The following PAG1 variants were observed in gnomAD, a reference collection of about 807,000 sequenced individuals.
The protein encoded by PAG1 is phosphoprotein membrane anchor with glycosphingolipid microdomains 1.
Under a neutral mutation model 31.7 loss-of-function variants are expected in PAG1, and 23 were observed. The observed-to-expected ratio is 0.73, with a 90% CI of 0.52 to 1.03. The LOEUF (loss-of-function observed/expected upper bound fraction) is 1.03. Among genes scored for constraint, PAG1 ranks in the 50% least tolerant of loss-of-function variants. The pLI, the probability that PAG1 is intolerant of heterozygous loss-of-function variation, is 0.00. For missense variants in PAG1, 473 were observed against 540.7 expected (o/e 0.87, Z 1.24); for synonymous variants, 214 against 210.3 (o/e 1.02, Z -0.15).
chr8:81,105,499 T>G (rs1473860542), intron 1 of PAG1, among the ~76,000 whole-genome samples: 1 of 152,192 alleles, frequency 6.6e-6, no homozygotes, highest in Non-Finnish European at 1.5e-5. Context: ...CCACTCTGGT[T>G]GCAATTCCCA....
At chr8:81,076,214 A>G (rs969657492) in intron 1 of PAG1, among the ~76,000 whole-genome samples, 5 of 152,226 alleles carry the variant, frequency 3.3e-5, no homozygotes, top group African/African-American at 1.2e-4. Context: ...GCAAATGCAA[A>G]TGTGTACAGA....
rs1229881844 is a variant in PAG1, at chr8:80,968,576, A to G, written c.*7968T>C. 1.3e-5 allele frequency: 2 copies of G among 152,226 alleles called. No homozygotes were observed. Among genetic ancestry groups the G allele is most frequent in the African/African-American group, 4.8e-5 (2 of 41,456 alleles). The allele number at this position is 152,226 out of a possible 1,614,324, so 9.4% of individuals were successfully genotyped here. A position where few individuals can be genotyped will look rare whatever the true frequency, so the allele number is the denominator to read the frequency against. ...ACAAACATTCTGGGATGGATGGTAG[A>G]TGGATGCTACACTCTTCTAGAAAGT... On this transcript the variant is annotated 3_prime_UTR_variant, in exon 9 of 9. Transcript: ENST00000220597.
At chr8:81,045,390 A>T (rs1226240538) in intron 2 of PAG1, among the ~76,000 whole-genome samples, 5 of 152,172 alleles carry the variant, frequency 3.3e-5, no homozygotes, top group Non-Finnish European at 5.9e-5. Context: ...AACAGCTCCA[A>T]CCATTAAATA....
intron 1 of PAG1, among the ~76,000 whole-genome samples, chr8:81,086,162 T>C (rs1809352885): frequency 1.3e-5 from 2 of 151,254 alleles, no homozygotes; most frequent in East Asian, 1.9e-4. Context: ...TTTGTATTTT[T>C]AGTAGAGACG....
chr8:81,086,986 G>A (rs1197303107), intron 1 of PAG1, among the ~76,000 whole-genome samples: 2 of 142,484 alleles, frequency 1.4e-5, no homozygotes, highest in Non-Finnish European at 2.9e-5. Flanking sequence ...TCTGAGAGCA[G>A]GGGTCAGTTT....
At chr8:81,057,723 AT>A (rs777350927) in intron 2 of PAG1, among the ~76,000 whole-genome samples, 61 of 152,240 alleles carry the variant, frequency 4.0e-4, no homozygotes, top group African/African-American at 1.4e-3. Context: ...AATAAAAAAA[AT>A]AACTGAGTAT....
At chr8:81,108,318 T>A (rs1173606222) in intron 1 of PAG1, among the ~76,000 whole-genome samples, 1 of 152,228 alleles carries the variant, frequency 6.6e-6, no homozygotes, top group African/African-American at 2.4e-5. Flanking sequence ...AATTCAGAGA[T>A]GTGAGATGAC....
At chr8:81,088,579 AT>A (rs372525302) in intron 1 of PAG1, among the ~76,000 whole-genome samples, 6 of 152,366 alleles carry the variant, frequency 3.9e-5, no homozygotes, top group African/African-American at 1.4e-4. Flanking sequence ...TTTTGGTGTA[AT>A]CAGAGAGAGC....
chr8:81,009,981 G>A (rs1807953091), intron 3 of PAG1, among the ~76,000 whole-genome samples: 1 of 152,140 alleles, frequency 6.6e-6, no homozygotes, highest in Non-Finnish European at 1.5e-5. Flanking sequence ...ATCAGGAATG[G>A]GGCCTTGACA....
intron 7 of PAG1, among the ~76,000 whole-genome samples, chr8:80,983,375 T>C (rs1481003585): frequency 6.6e-6 from 1 of 152,212 alleles, no homozygotes; most frequent in Non-Finnish European, 1.5e-5. Flanking sequence ...CTTATAAACT[T>C]TAAACTTTAT....
intron 7 of PAG1, among the ~76,000 whole-genome samples, chr8:80,982,074 C>T (rs1327509761): frequency 6.6e-6 from 1 of 151,906 alleles, no homozygotes; most frequent in Non-Finnish European, 1.5e-5. Flanking sequence ...CTACATTGCC[C>T]AGGCTGGTTT....
intron 2 of PAG1, among the ~76,000 whole-genome samples, chr8:81,043,866 T>C (rs1808596563): frequency 6.6e-6 from 1 of 152,238 alleles, no homozygotes; most frequent in African/African-American, 2.4e-5. Flanking sequence ...ATCAATTCAT[T>C]TCTTTTAGTA....
chr8:81,082,252 CAAAA>C (rs748117144), intron 1 of PAG1, among the ~76,000 whole-genome samples: 2 of 48,096 alleles, frequency 4.2e-5, no homozygotes, highest in African/African-American at 6.6e-5. Context: ...GACTCTGTCT[CAAAA>C]AAAAAAAAAA....
Position 80,976,513 on chromosome 8 carries a change from C to T in PAG1, c.*31G>A. Reference sequence around the variant, plus strand: ...AGAAGAAACGTCTCCAGACACTGATCACAGGCTACCCAGGGTTGTCTTCTG... The same window carrying T: ...AGAAGAAACGTCTCCAGACACTGATTACAGGCTACCCAGGGTTGTCTTCTG... On this transcript the variant is annotated 3_prime_UTR_variant, in exon 9 of 9. Coordinates refer to ENST00000220597, the MANE Select transcript of PAG1 (RefSeq NM_018440.4). 6.4e-7 allele frequency: 1 copy of T among 1,574,408 alleles called. No individual in the cohort carries two copies.
intron 3 of PAG1, among the ~76,000 whole-genome samples, chr8:81,007,071 T>A (rs1425753562): frequency 6.6e-6 from 1 of 152,158 alleles, no homozygotes; most frequent in Admixed American, 6.6e-5. Context: ...TTCTCTATGC[T>A]ACGTTTTCAC....
At chr8:81,107,981 T>C (rs1476747768) in intron 1 of PAG1, among the ~76,000 whole-genome samples, 1 of 152,256 alleles carries the variant, frequency 6.6e-6, no homozygotes, top group Non-Finnish European at 1.5e-5. Flanking sequence ...TTCATTTATA[T>C]CCATATTAAA....
intron 5 of PAG1, among the ~76,000 whole-genome samples, chr8:80,988,371 G>A (rs1807469908): frequency 6.6e-6 from 1 of 152,208 alleles, no homozygotes; most frequent in African/African-American, 2.4e-5. Flanking sequence ...ATTGATTTCT[G>A]AAACTATTTT....
At position 80,984,825 on chromosome 8, in the gene PAG1, C is replaced by G. The variant is rs745995233; in HGVS notation, c.827G>C (p.Gly276Ala). The stretch of plus-strand genomic sequence containing the variant: ...TGTGGCACTCTCTTCCGCCTCTCCC[C>G]CTTCCTTCTCCTGAAGGTTTTCATT... ...DENENLQEKE[G>A]GEAEESATDT... Residue 276 changes from glycine to alanine, a missense_variant, in exon 7 of 9, where the codon GGG (glycine) becomes GCG (alanine). Transcript: ENST00000220597. 4.1e-5 allele frequency: 66 copies of G among 1,614,032 alleles called. No individual in the cohort carries two copies. The Admixed American group carries it at 6.7e-4, about 16-fold the overall frequency.
At chr8:81,034,024 T>C (rs1361037977) in intron 2 of PAG1, among the ~76,000 whole-genome samples, 2 of 152,262 alleles carry the variant, frequency 1.3e-5, no homozygotes, top group Admixed American at 1.3e-4. Flanking sequence ...TCCAAATTCA[T>C]GTCTGACTTT....
Sources: gnomAD v4.1 joint callset for allele counts (sites outside exome capture counted in the v4.1 genomes callset) on GRCh38, gnomAD v4.1.1 for gene constraint, MANE v1.5 for transcripts, NCBI Gene and HGNC (gene_info 2026-07-23, HGNC 2026-07-21) for gene names.